PROSER3: variants seen among roughly 807,000 people sequenced by gnomAD.
PROSER3 encodes proline and serine rich 3.
In PROSER3, 33 loss-of-function variants were observed where a neutral mutation model predicts 50.2. The observed-to-expected ratio is 0.66, with a 90% CI of 0.50 to 0.88. The LOEUF is 0.88. PROSER3 is among the 40% of genes least tolerant of loss of function. PROSER3 has a pLI of 0.00. For missense variants in PROSER3, 623 were observed against 612.7 expected, an observed-to-expected ratio of 1.02 and a Z score of -0.18; for synonymous variants, 266 against 259.3, an observed-to-expected ratio of 1.03 and a Z score of -0.25.
intron 7 of PROSER3, 65 bp from the exon 8 acceptor site, chr19:35,766,703 C>G: frequency 8.4e-7 from 1 of 1,193,764 alleles, no homozygotes; most frequent in South Asian, 1.4e-5. Context: ...TGTGTGCAGG[C>G]TGTCCTGGGG....
chr19:35,765,573 C>T (rs1971116171), intron 7 of PROSER3, among the ~76,000 whole-genome samples: 1 of 151,304 alleles, frequency 6.6e-6, no homozygotes, highest in African/African-American at 2.4e-5. Flanking sequence ...GAGAGAGACT[C>T]CATCTCAAAA....
At chr19:35,771,036 A>C (rs1971303748), downstream of PROSER3, 1 of 152,194 alleles carries the variant, frequency 6.6e-6, no homozygotes, top group Admixed American at 6.5e-5. Context: ...ATACGCCTGT[A>C]ATCTGACTTC....
At chr19:35,765,325 G>A in intron 7 of PROSER3, 149 bp downstream of exon 7, 2 of 1,041,806 alleles carry the variant, frequency 1.9e-6, no homozygotes, top group Non-Finnish European at 1.4e-6. Flanking sequence ...CAGGCATGGA[G>A]GCCGAGGCGG....
intron 7 of PROSER3, among the ~76,000 whole-genome samples, chr19:35,766,147 G>C (rs1971134012): frequency 6.6e-6 from 1 of 152,144 alleles, no homozygotes; most frequent in African/African-American, 2.4e-5. Context: ...AGTGGGGCTG[G>C]AGCAGGGTGA....
chr19:35,767,641 G>A (rs1405801916), intron 8 of PROSER3: 4 of 901,412 alleles, frequency 4.4e-6, no homozygotes, highest in Non-Finnish European at 6.7e-6. Flanking sequence ...GGGGTGTCCT[G>A]GGCCAGGTAG....
intron 2 of PROSER3, 146 bp from the exon 3 acceptor site, chr19:35,759,643 C>A: frequency 1.0e-6 from 1 of 999,914 alleles, no homozygotes; most frequent in Non-Finnish European, 1.5e-6. Context: ...GATTCCCCAT[C>A]TGAGCCCCCA....
exon 11 of PROSER3, chr19:35,768,637 C>A: frequency 6.9e-7 from 1 of 1,451,490 alleles, no homozygotes. Flanking sequence ...TTTGGAAAGG[C>A]CAAGGGGTCA....
exon 11 of PROSER3, chr19:35,768,525 C>T: frequency 1.3e-6 from 2 of 1,596,702 alleles, no homozygotes; most frequent in Non-Finnish European, 1.7e-6. Context: ...AGGAGATTCC[C>T]TGGAGGCCAG....
At chr19:35,765,773 G>A (rs989415759) in intron 7 of PROSER3, among the ~76,000 whole-genome samples, 10 of 152,038 alleles carry the variant, frequency 6.6e-5, no homozygotes, top group African/African-American at 9.7e-5. Context: ...GGGCTCAAGC[G>A]ATCCCCCCAC....
rs1446041233 is a variant in PROSER3 at position 35,766,767 on chromosome 19, G to A, written c.770-1G>A. ...CCTCTCCTCTCTACCTCCCCCTACAGCATCCCCGGCACCAGCCCAGGCCCA... is the reference window on the plus strand; with the variant it reads ...CCTCTCCTCTCTACCTCCCCCTACAACATCCCCGGCACCAGCCCAGGCCCA... On this transcript the variant is annotated splice_acceptor_variant, in intron 7 of 10. Coordinates refer to ENST00000396908, the Ensembl canonical transcript of PROSER3. LOFTEE classifies it high-confidence loss of function. The A allele has an allele frequency of 1.3e-6, 2 of 1,545,814 alleles. No individual in the cohort carries two copies. Among genetic ancestry groups the A allele is most frequent in the East Asian group, 4.9e-5 (2 of 40,796 alleles).
intron 5 of PROSER3, among the ~76,000 whole-genome samples, 173 bp from the exon 6 acceptor site, chr19:35,764,681 G>A (rs570027996): frequency 3.3e-5 from 5 of 151,846 alleles, no homozygotes; most frequent in African/African-American, 1.2e-4. Flanking sequence ...AAAAAAAGGT[G>A]CTAATCCAAA....
intron 1 of PROSER3, chr19:35,759,040 C>CA: frequency 8.8e-6 from 2 of 226,352 alleles, no homozygotes; most frequent in Admixed American, 5.2e-5. Flanking sequence ...CACGGAGGCC[C>CA]AGCCCCACTA....
At chr19:35,759,668 TATC>T in intron 2 of PROSER3, 118 bp from the exon 3 acceptor site, 1 of 1,088,966 alleles carries the variant, frequency 9.2e-7, no homozygotes, top group Non-Finnish European at 1.3e-6. Flanking sequence ...ACTAGGTTGT[TATC>T]ATTACAGGAT....
chr19:35,762,769 C>T (rs1264735946), intron 5 of PROSER3: 2 of 150,110 alleles, frequency 1.3e-5, no homozygotes, highest in South Asian at 2.1e-4. Context: ...CACCGTGGCT[C>T]ATGCCTATAA....
At chr19:35,762,514 G>A in intron 5 of PROSER3, 158 bp downstream of exon 5, 2 of 502,680 alleles carry the variant, frequency 4.0e-6, no homozygotes, top group Non-Finnish European at 3.4e-6. Flanking sequence ...TTCAAGACCA[G>A]CTTGGGTGAC....
In PROSER3 at chr19:35,759,789, ACCCTGAG is replaced by A. The variant is rs1937369156; in HGVS notation, c.113_119del (p.Leu38HisfsTer16). The A allele has an allele frequency of 1.9e-6, 3 of 1,558,028 alleles. No individual in the cohort carries two copies. The highest frequency in any genetic ancestry group is 2.7e-5 in the African/African-American group (2 of 73,124). On this transcript the variant is annotated frameshift_variant and splice_region_variant, in exon 3 of 11. Transcript: ENST00000396908. LOFTEE classifies it high-confidence loss of function. ...TTCTTGTGCTCTTCCCTGATCTTAG[ACCCTGAG>A]CCCATCCAGGTCTCAGAGATCCAGG...
At chr19:35,767,337 T>G (rs529199538) in intron 8 of PROSER3, 1 of 270,606 alleles carries the variant, frequency 3.7e-6, no homozygotes, top group South Asian at 6.1e-5. Context: ...GGCTCTACCC[T>G]CGCGCCCCCG....
chr19:35,763,553 G>C (rs543962923), intron 5 of PROSER3, among the ~76,000 whole-genome samples: 79 of 144,400 alleles, frequency 5.5e-4, no homozygotes, highest in Non-Finnish European at 1.1e-3. Flanking sequence ...ATCCAGGCTG[G>C]AGTGCAGTGG....
chr19:35,765,296 A>G (rs1599754440), intron 7 of PROSER3, 120 bp downstream of exon 7: 2 of 1,284,812 alleles, frequency 1.6e-6, no homozygotes, highest in Non-Finnish European at 2.1e-6. Context: ...AAACAGGGAT[A>G]AGGCCAGATG....
Sources: gnomAD v4.1 joint callset for allele counts (sites outside exome capture counted in the v4.1 genomes callset) on GRCh38, gnomAD v4.1.1 for gene constraint, MANE v1.5 for transcripts, NCBI Gene and HGNC (gene_info 2026-07-23, HGNC 2026-07-21) for gene names.